Variants in APLF observed in about 807,000 individuals in gnomAD.
APLF encodes the protein aprataxin and PNK-like factor.
A neutral mutation model predicts 55.6 loss-of-function variants in APLF; 61 were observed. The observed-to-expected ratio is 1.10, with a 90% CI of 0.89 to 1.36. The LOEUF is 1.36. Among genes scored for constraint, APLF ranks in the 40% most tolerant of loss-of-function variants. APLF has a pLI of 0.00. For synonymous variants in APLF, 207 were observed against 214.8 expected, an observed-to-expected ratio of 0.96 and a Z score of 0.32; for missense variants, 611 against 602.5, an observed-to-expected ratio of 1.01 and a Z score of -0.15.
chr2:68,569,052 A>T lies in APLF; in HGVS notation c.1333+1665A>T, dbSNP rs545656327. On this transcript the variant is annotated intron_variant, in intron 9 of 9. Coordinates refer to ENST00000303795, the MANE Select transcript of APLF (RefSeq NM_173545.3). ...GATATCTAATACAGAATTCTAACAT[A>T]CTTGTTTTTCTTGTATCCCAAATCA... Among the ~76,000 whole-genome samples, 4 of 152,184 alleles carry T rather than the reference A, an allele frequency of 2.6e-5. No individual in the cohort carries two copies. In the South Asian group the frequency reaches 6.2e-4, roughly 24 times the overall value.
intron 8 of APLF, among the ~76,000 whole-genome samples, chr2:68,564,489 G>A (rs1348117809): frequency 1.3e-5 from 2 of 152,070 alleles, no homozygotes; most frequent in Non-Finnish European, 2.9e-5. Flanking sequence ...ACAAGGCCTG[G>A]CATGTAATAA....
At chr2:68,515,353 A>C (rs1300860361) in intron 5 of APLF, among the ~76,000 whole-genome samples, 1 of 151,540 alleles carries the variant, frequency 6.6e-6, no homozygotes, top group Non-Finnish European at 1.5e-5. Flanking sequence ...AATTTGTAGG[A>C]AGGAAATGGG....
intron 2 of APLF, among the ~76,000 whole-genome samples, chr2:68,496,637 C>T (rs1676558674): frequency 6.6e-6 from 1 of 152,200 alleles, no homozygotes; most frequent in Non-Finnish European, 1.5e-5. Context: ...TTCTTGAACA[C>T]TTTGCTGCTT....
chr2:68,540,839 A>G (rs571884540), intron 7 of APLF, among the ~76,000 whole-genome samples: 9 of 152,036 alleles, frequency 5.9e-5, no homozygotes, highest in Non-Finnish European at 1.2e-4. Flanking sequence ...AGGAATAGCA[A>G]AGGACGTAGA....
At chr2:68,563,346 C>G in intron 8 of APLF, 3 of 982,696 alleles carry the variant, frequency 3.1e-6, no homozygotes, top group Non-Finnish European at 3.6e-6. Context: ...TTAAATGTAA[C>G]ACTTCTTTCA....
At chr2:68,499,917 G>C (rs1012239214) in intron 2 of APLF, among the ~76,000 whole-genome samples, 1 of 152,064 alleles carries the variant, frequency 6.6e-6, no homozygotes, top group African/African-American at 2.4e-5. Context: ...AAATCTATTT[G>C]GTGTTATTAG....
In APLF at chr2:68,502,689, A is replaced by G. The variant is rs745367774; in HGVS notation, c.169-42A>G. The G allele has an allele frequency of 4.2e-6, 5 of 1,177,578 alleles. No homozygotes were observed. The African/African-American group carries it at 6.5e-5, about 15-fold the overall frequency. 72.9% of individuals were successfully genotyped at this position (1,177,578 alleles called of 1,614,324 possible). ...TTGAGTTACAACATTATTGTATTATATTCTTTTTTAAATTTAATTATATTC... is the reference window on the plus strand; with the variant it reads ...TTGAGTTACAACATTATTGTATTATGTTCTTTTTTAAATTTAATTATATTC... On this transcript the variant is annotated intron_variant, in intron 2 of 9. Coordinates refer to ENST00000303795, the MANE Select transcript of APLF (RefSeq NM_173545.3).
intron 2 of APLF, among the ~76,000 whole-genome samples, chr2:68,490,791 G>T (rs541735342): frequency 6.6e-6 from 1 of 152,254 alleles, no homozygotes; most frequent in East Asian, 1.9e-4. Flanking sequence ...CTGATGATAT[G>T]CAGGGACAGC....
chr2:68,496,861 T>A (rs1308071882), intron 2 of APLF, among the ~76,000 whole-genome samples: 1 of 152,216 alleles, frequency 6.6e-6, no homozygotes, highest in East Asian at 1.9e-4. Flanking sequence ...GGTCACAAAT[T>A]TGCTGATCGT....
chr2:68,505,053 A>G (rs1392014830), intron 3 of APLF, among the ~76,000 whole-genome samples: 1 of 152,086 alleles, frequency 6.6e-6, no homozygotes, highest in Non-Finnish European at 1.5e-5. Flanking sequence ...TGTGCATTTC[A>G]TATATAAATT....
At chr2:68,541,171 CAT>C (rs1451782635) in intron 7 of APLF, among the ~76,000 whole-genome samples, 1 of 151,984 alleles carries the variant, frequency 6.6e-6, no homozygotes, top group Non-Finnish European at 1.5e-5. Flanking sequence ...TTTTGTAAAA[CAT>C]ATAAAGTACA....
At chr2:68,526,886 C>A (rs1670073518) in intron 6 of APLF, among the ~76,000 whole-genome samples, 1 of 152,172 alleles carries the variant, frequency 6.6e-6, no homozygotes, top group Admixed American at 6.5e-5. Context: ...CGGAGTTTCA[C>A]CATGTTGGCC....
Position 68,486,527 on chromosome 2 carries a change from C to T in APLF, c.97-3663C>T, listed in dbSNP as rs142461212. On this transcript the variant is annotated intron_variant, in intron 1 of 9. Coordinates refer to ENST00000303795, the MANE Select transcript of APLF (RefSeq NM_173545.3). ...TTCAGCACCCCTAGATTCCCACTCC[C>T]TCTCTCCTCTGTTTCTGTCATTTGC... Among the ~76,000 whole-genome samples, 652 of 152,164 alleles carry T rather than the reference C, an allele frequency of 4.3e-3. 4 individuals carry two copies. The highest frequency in any genetic ancestry group is 0.015 in the African/African-American group (621 of 41,478).
In APLF at chr2:68,513,129, T is replaced by C. The variant is rs1407281546; in HGVS notation, c.391T>C (p.Ser131Pro). Reference protein sequence around the residue: ...EDNILNETPKSPVINLPHETT... With the variant: ...EDNILNETPKPPVINLPHETT... Reference sequence around the variant, plus strand: ...TAATATATTGAATGAAACACCAAAATCCCCCGTGATTAATTTACCTCATGA... The same window carrying C: ...TAATATATTGAATGAAACACCAAAACCCCCCGTGATTAATTTACCTCATGA... Residue 131 changes from serine to proline, a missense_variant, in exon 4 of 10, where the codon TCC (serine) becomes CCC (proline). Coordinates refer to ENST00000303795, the MANE Select transcript of APLF (RefSeq NM_173545.3). 1 of 1,610,980 alleles carries C rather than the reference T, an allele frequency of 6.2e-7. No homozygotes were observed. The highest frequency in any genetic ancestry group is 2.2e-5 in the East Asian group (1 of 44,782).
intron 1 of APLF, among the ~76,000 whole-genome samples, chr2:68,474,465 G>C (rs942014868): frequency 1.3e-5 from 2 of 152,170 alleles, no homozygotes; most frequent in African/African-American, 4.8e-5. Context: ...CATCACTTGG[G>C]AGATTCTGAG....
chr2:68,479,898 AATGAAG>A (rs545831573), intron 1 of APLF, among the ~76,000 whole-genome samples: 121 of 152,258 alleles, frequency 7.9e-4, no homozygotes, highest in African/African-American at 2.8e-3. Context: ...AGGTGAAGAC[AATGAAG>A]ATGAAGACCT....
chr2:68,567,835 A>G (rs192621238), intron 9 of APLF, among the ~76,000 whole-genome samples: 2 of 152,084 alleles, frequency 1.3e-5, no homozygotes, highest in Non-Finnish European at 2.9e-5. Context: ...TCCTCTTCCA[A>G]CGAGGGACTT....
At chr2:68,508,038 TGTA>T (rs777010714) in intron 3 of APLF, among the ~76,000 whole-genome samples, 13 of 151,842 alleles carry the variant, frequency 8.6e-5, no homozygotes, top group Non-Finnish European at 1.5e-4. Context: ...TTATTTAAAA[TGTA>T]GTTTTAGATC....
intron 2 of APLF, 122 bp from the exon 3 acceptor site, chr2:68,502,609 A>AT: frequency 3.3e-6 from 2 of 612,412 alleles, no homozygotes; most frequent in Non-Finnish European, 4.7e-6. Flanking sequence ...TTATGCTTAA[A>AT]TTTTTTTGAT....
Sources: allele counts gnomAD v4.1 joint callset (sites outside exome capture counted in the v4.1 genomes callset), GRCh38; gene constraint gnomAD v4.1.1; transcripts MANE v1.5; gene names NCBI Gene and HGNC (gene_info 2026-07-23, HGNC 2026-07-21).